Variants in SRRM4 observed in about 807,000 individuals in gnomAD.
SRRM4 encodes serine/arginine repetitive matrix protein 4.
Under a neutral mutation model 68.9 loss-of-function variants are expected in SRRM4, and 33 were observed. The ratio of observed to expected loss-of-function variants is 0.48; its 90% CI spans 0.36 to 0.64. The LOEUF (loss-of-function observed/expected upper bound fraction) is 0.64, where lower values mean the gene tolerates loss of function less well. Among genes scored for constraint, SRRM4 ranks in the 30% least tolerant of loss-of-function variants. SRRM4 has a pLI of 0.00. For synonymous variants in SRRM4, 318 were observed against 318.8 expected (o/e 1.00, Z 0.03); for missense variants, 817 against 827.1 (o/e 0.99, Z 0.15).
chr12:119,063,831 T>C (rs902120060), intron 1 of SRRM4, among the ~76,000 whole-genome samples: 7 of 152,298 alleles, frequency 4.6e-5, no homozygotes, highest in Admixed American at 4.6e-4. Context: ...ATATAGTATC[T>C]ATTCTCTTGT....
At chr12:119,003,084 C>T (rs1953395453) in intron 1 of SRRM4, among the ~76,000 whole-genome samples, 1 of 151,780 alleles carries the variant, frequency 6.6e-6, no homozygotes, top group Non-Finnish European at 1.5e-5. Flanking sequence ...GGTTTGAATC[C>T]CACACCATGT....
chr12:119,115,921 C>T (rs1280074718), intron 3 of SRRM4, among the ~76,000 whole-genome samples: 1 of 151,956 alleles, frequency 6.6e-6, no homozygotes. Flanking sequence ...CGGGAGATTT[C>T]ATATGAAAAT....
At chr12:119,078,054 G>T (rs1402869335) in intron 1 of SRRM4, among the ~76,000 whole-genome samples, 2 of 152,184 alleles carry the variant, frequency 1.3e-5, no homozygotes, top group African/African-American at 4.8e-5. Flanking sequence ...GTCTGCCTGT[G>T]GGTGGTTCTG....
At position 119,089,452 on chromosome 12, in the gene SRRM4, C is replaced by G. The variant is rs191298212; in HGVS notation, c.132-12784C>G. ...AGGAGGCATTTCCTACAGGTGGGAA[C>G]AGCTGGATGCCTGGGTTGGCATTGA... On this transcript the variant is annotated intron_variant, in intron 1 of 12. Coordinates refer to ENST00000267260, the MANE Select transcript of SRRM4 (RefSeq NM_194286.4). Among the ~76,000 whole-genome samples, 36 of 152,280 alleles carry G rather than the reference C, an allele frequency of 2.4e-4. 1 individual carries two copies. The highest frequency in any genetic ancestry group is 6.5e-4 in the Admixed American group (10 of 15,298).
At chr12:119,071,749 A>G (rs956161246) in intron 1 of SRRM4, among the ~76,000 whole-genome samples, 3 of 152,182 alleles carry the variant, frequency 2.0e-5, no homozygotes, top group African/African-American at 4.8e-5. Context: ...TTTGCACAGC[A>G]TGGCAGCTGT....
chr12:119,102,461 A>G, intron 2 of SRRM4, 79 bp downstream of exon 2: 1 of 1,131,578 alleles, frequency 8.8e-7, no homozygotes, highest in Non-Finnish European at 1.2e-6. Context: ...CCCCTCTCTT[A>G]TGCAAGTTCC....
chr12:119,025,172 G>A (rs1467915741), intron 1 of SRRM4, among the ~76,000 whole-genome samples: 2 of 151,566 alleles, frequency 1.3e-5, no homozygotes, highest in Non-Finnish European at 2.9e-5. Flanking sequence ...ACAATTCCAG[G>A]AGAAAGAACA....
rs1954520406 is a variant in SRRM4, at chr12:119,162,374, A to G, written c.*5576A>G. Reference sequence around the variant, plus strand: ...ACTTCTCTCTAAGCCCCGTGGTCCAAAGTCATCACGGGAGAGACCAAGATG... The same window carrying G: ...ACTTCTCTCTAAGCCCCGTGGTCCAGAGTCATCACGGGAGAGACCAAGATG... On this transcript the variant is annotated 3_prime_UTR_variant, in exon 13 of 13. Transcript: ENST00000267260. The G allele has an allele frequency of 6.6e-6, 1 of 152,168 alleles. No individual in the cohort carries two copies. Among genetic ancestry groups the G allele is most frequent in the Non-Finnish European group, 1.5e-5 (1 of 68,032 alleles). 9.4% of individuals were successfully genotyped at this position (152,168 alleles called of 1,614,324 possible). A position where few individuals can be genotyped will look rare whatever the true frequency, so the allele number is the denominator to read the frequency against.
chr12:119,047,334 T>A (rs999700345), intron 1 of SRRM4, among the ~76,000 whole-genome samples: 5 of 148,856 alleles, frequency 3.4e-5, no homozygotes, highest in South Asian at 2.1e-4. Flanking sequence ...AACTTTAAAA[T>A]TTTTTTTTAA....
intron 8 of SRRM4, among the ~76,000 whole-genome samples, chr12:119,141,419 A>C (rs1276246623): frequency 6.6e-6 from 1 of 152,174 alleles, no homozygotes; most frequent in Admixed American, 6.5e-5. Context: ...TAAATATTTG[A>C]TTCTAGAGGT....
At chr12:119,117,109 G>A in intron 4 of SRRM4, 101 bp downstream of exon 4, 1 of 967,176 alleles carries the variant, frequency 1.0e-6, no homozygotes, top group Non-Finnish European at 1.6e-6. Context: ...TGTCATTTAT[G>A]TAAAACAATT....
At chr12:119,139,478 T>C (rs182728748) in intron 8 of SRRM4, among the ~76,000 whole-genome samples, 10 of 152,290 alleles carry the variant, frequency 6.6e-5, no homozygotes, top group Non-Finnish European at 1.3e-4. Flanking sequence ...TTTGTGAAAA[T>C]GCTCCTACCA....
chr12:119,012,554 T>G (rs567375010), intron 1 of SRRM4, among the ~76,000 whole-genome samples: 1 of 152,348 alleles, frequency 6.6e-6, no homozygotes, highest in South Asian at 2.1e-4. Flanking sequence ...GTTCTCATTC[T>G]TCTACCTGTC....
At chr12:119,078,928 C>CA (rs1305691579) in intron 1 of SRRM4, among the ~76,000 whole-genome samples, 6 of 151,832 alleles carry the variant, frequency 4.0e-5, no homozygotes, top group Admixed American at 3.3e-4. Flanking sequence ...AGACTTGTAT[C>CA]AAAAAAATAA....
chr12:119,084,058 G>A (rs12099764), intron 1 of SRRM4, among the ~76,000 whole-genome samples: 43,206 of 152,022 alleles, frequency 0.28, 6,574 homozygotes, highest in East Asian at 0.43. Context: ...CACAGCAAGC[G>A]CTATTACACT....
chr12:119,019,559 T>C (rs1953501635), intron 1 of SRRM4, among the ~76,000 whole-genome samples: 1 of 152,200 alleles, frequency 6.6e-6, no homozygotes, highest in Non-Finnish European at 1.5e-5. Flanking sequence ...TTGCCTTCTC[T>C]GTTGGCAACT....
intron 6 of SRRM4, among the ~76,000 whole-genome samples, chr12:119,122,811 A>G (rs896458102): frequency 2.6e-5 from 4 of 152,156 alleles, no homozygotes; most frequent in Non-Finnish European, 5.9e-5. Flanking sequence ...GGGTGTGAGC[A>G]CATGGGTGCA....
intron 1 of SRRM4, among the ~76,000 whole-genome samples, chr12:119,068,297 A>G (rs1221601325): frequency 6.6e-6 from 1 of 152,232 alleles, no homozygotes; most frequent in Non-Finnish European, 1.5e-5. Context: ...TGGAGCCAGC[A>G]TGTGGCAGTC....
intron 1 of SRRM4, among the ~76,000 whole-genome samples, chr12:119,051,818 T>C (rs1208036010): frequency 2.0e-5 from 3 of 152,246 alleles, no homozygotes; most frequent in Non-Finnish European, 4.4e-5. Context: ...AACTGATGTT[T>C]GGTGGAGCAC....
Sources: gnomAD v4.1 joint callset for allele counts (sites outside exome capture counted in the v4.1 genomes callset) on GRCh38, gnomAD v4.1.1 for gene constraint, MANE v1.5 for transcripts, NCBI Gene and HGNC (gene_info 2026-07-23, HGNC 2026-07-21) for gene names.